The following GALNT3 variants were observed in gnomAD, a reference collection of about 807,000 sequenced individuals.
The protein encoded by GALNT3 is polypeptide N-acetylgalactosaminyltransferase 3.
GALNT3 carries 51 observed loss-of-function variants against 69.8 expected under a neutral mutation model. That is an observed-to-expected ratio of 0.73 (90% CI 0.58 to 0.92). The LOEUF is 0.92. GALNT3 is among the 40% of genes least tolerant of loss of function. GALNT3 has a pLI of 0.00. For synonymous variants in GALNT3, 265 were observed against 248.5 expected (o/e 1.07, Z -0.63); for missense variants, 711 against 760.0 (o/e 0.94, Z 0.76).
At chr2:165,791,425 C>T (rs1683346535) in intron 1 of GALNT3, among the ~76,000 whole-genome samples, 4 of 151,904 alleles carry the variant, frequency 2.6e-5, no homozygotes, top group South Asian at 2.1e-4. Context: ...TTTAGACCAA[C>T]GTTTTTAAAA....
chr2:165,761,929 T>G lies in GALNT3; in HGVS notation c.814A>C (p.Thr272Pro). Residue 272 changes from threonine (T) to proline (P), a missense_variant, in exon 4 of 11, where the codon ACG becomes CCG. By Grantham distance (38) the Thr-to-Pro change is conservative. Coordinates refer to ENST00000392701, the MANE Select transcript of GALNT3 (RefSeq NM_004482.4). Reference sequence around the variant, plus strand: ...CAGTGAGCATCTAAAAATGTGAGCGTTTCAGCTGTTGCGACTGTTGCTCCT... The same window carrying G: ...CAGTGAGCATCTAAAAATGTGAGCGGTTCAGCTGTTGCGACTGTTGCTCCT... ...LLGATVATAE[T>P]LTFLDAHCEC... is the part of the protein sequence containing the mutation. The G allele has an allele frequency of 6.2e-7, 1 of 1,614,084 alleles. No homozygotes were observed. The highest frequency in any genetic ancestry group is 8.5e-7 in the Non-Finnish European group (1 of 1,180,028).
chr2:165,749,191 A>C (rs911605542), intron 10 of GALNT3, among the ~76,000 whole-genome samples: 2 of 152,142 alleles, frequency 1.3e-5, no homozygotes, highest in African/African-American at 4.8e-5. Flanking sequence ...ACAAACTCTT[A>C]AAAACATCAT....
chr2:165,762,004 T>C lies in GALNT3; in HGVS notation c.739A>G (p.Lys247Glu). 1 of 1,606,040 alleles carries C rather than the reference T, an allele frequency of 6.2e-7. No individual in the cohort carries two copies. The highest frequency in any genetic ancestry group is 1.1e-5 in the South Asian group (1 of 90,942). Residue 247 changes from lysine (K) to glutamate (E), a missense_variant, in exon 4 of 11, where the codon AAA becomes GAA. Lys to Glu is a moderately conservative substitution (Grantham distance 56). Coordinates refer to ENST00000392701, the MANE Select transcript of GALNT3 (RefSeq NM_004482.4). ...DEYVKQFSIV[K>E]IVRQRERKGL... ...TTTCTTTCTCTTTGTCTGACTATTT[T>C]TACTATAGAAAATTGTTTTACATAT... is the stretch of plus-strand genomic sequence containing the variant.
At chr2:165,767,189 A>G (rs1405089779) in intron 2 of GALNT3, among the ~76,000 whole-genome samples, 2 of 152,072 alleles carry the variant, frequency 1.3e-5, no homozygotes, top group East Asian at 1.9e-4. Context: ...TATATTTTGA[A>G]CCCATAAAAG....
At position 165,770,218 on chromosome 2, in the gene GALNT3, G is replaced by C. The variant is rs1448251169; in HGVS notation, c.483C>G (p.His161Gln). 1 of 1,613,980 alleles carries C rather than the reference G, an allele frequency of 6.2e-7. No homozygotes were observed. The highest frequency in any genetic ancestry group is 8.5e-7 in the Non-Finnish European group (1 of 1,179,994). Residue 161 changes from histidine (H) to glutamine (Q), a missense_variant, in exon 2 of 11, where the codon CAC becomes CAG. Physicochemically the swap from His to Gln is conservative, Grantham distance 24 (BLOSUM62 0). Transcript: ENST00000392701. ...GTCGAGTGTCTGGTCCAAGATCTCGGTGCAAAGAAATCCTGTCACTTGCGA... is the reference window on the plus strand; with the variant it reads ...GTCGAGTGTCTGGTCCAAGATCTCGCTGCAAAGAAATCCTGTCACTTGCGA... ...NAFASDRISL[H>Q]RDLGPDTRPP...
At chr2:165,753,678 A>G (rs927949228) in intron 9 of GALNT3, among the ~76,000 whole-genome samples, 3 of 152,200 alleles carry the variant, frequency 2.0e-5, no homozygotes, top group African/African-American at 7.2e-5. Context: ...AGGTAAGGAA[A>G]GGAAGCTTAA....
intron 9 of GALNT3, 27 bp downstream of exon 9, chr2:165,754,600 G>T: frequency 6.6e-7 from 1 of 1,503,962 alleles, no homozygotes; most frequent in Non-Finnish European, 9.3e-7. Context: ...TGCTTTACAA[G>T]TGAAGGATTT....
rs564645773 is a variant in GALNT3, at chr2:165,759,435, T to C, written c.974A>G (p.Asn325Ser). Reference protein sequence around the residue: ...EFNKPSPYGSNHNRGNFDWSL... With the variant: ...EFNKPSPYGSSHNRGNFDWSL... ...CCAGTCAAAATTTCCACGGTTATGG[T>C]TACTTCCATAAGGAGAAGGTTTGTT... Residue 325 changes from asparagine to serine, a missense_variant, in exon 5 of 11, where the codon AAC becomes AGC. Transcript: ENST00000392701. 5 of 1,614,010 alleles carry C rather than the reference T, an allele frequency of 3.1e-6. No individual in the cohort carries two copies. In the East Asian group the frequency reaches 1.1e-4, roughly 36 times the overall value.
intron 3 of GALNT3, 72 bp downstream of exon 3, chr2:165,764,812 A>T: frequency 6.7e-7 from 1 of 1,481,646 alleles, no homozygotes; most frequent in Non-Finnish European, 9.4e-7. Flanking sequence ...AGAGAGTACC[A>T]CATAACCAAG....
At chr2:165,782,577 G>A (rs1455073051) in intron 1 of GALNT3, among the ~76,000 whole-genome samples, 1 of 151,946 alleles carries the variant, frequency 6.6e-6, no homozygotes. Flanking sequence ...TTAAAGAACT[G>A]GGGAAATAAG....
chr2:165,788,221 G>A (rs545416941), intron 1 of GALNT3, among the ~76,000 whole-genome samples: 9 of 150,916 alleles, frequency 6.0e-5, no homozygotes, highest in African/African-American at 2.0e-4. Flanking sequence ...GGAGGCTGAG[G>A]CAGGAGAATG....
At chr2:165,782,748 T>G (rs1198606132) in intron 1 of GALNT3, among the ~76,000 whole-genome samples, 1 of 152,174 alleles carries the variant, frequency 6.6e-6, no homozygotes, top group Non-Finnish European at 1.5e-5. Context: ...TTATTTCCTT[T>G]TCCCCAAAGC....
chr2:165,769,659 C>CA (rs1211873724), intron 2 of GALNT3, among the ~76,000 whole-genome samples: 2 of 151,508 alleles, frequency 1.3e-5, no homozygotes, highest in Admixed American at 6.6e-5. Context: ...GGATTGTTTA[C>CA]AAAAAATAGG....
At chr2:165,793,063 T>C (rs1267377088) in intron 1 of GALNT3, among the ~76,000 whole-genome samples, 1 of 152,036 alleles carries the variant, frequency 6.6e-6, no homozygotes, top group Non-Finnish European at 1.5e-5. Context: ...ATAGTTTCTT[T>C]GATGAGTTGG....
At chr2:165,769,492 G>A (rs917908934) in intron 2 of GALNT3, among the ~76,000 whole-genome samples, 6 of 150,814 alleles carry the variant, frequency 4.0e-5, no homozygotes, top group Non-Finnish European at 3.0e-5. Flanking sequence ...AATGGCTCAT[G>A]CCTGTACTCC....
At chr2:165,762,570 A>G (rs181215087) in intron 3 of GALNT3, among the ~76,000 whole-genome samples, 1 of 152,356 alleles carries the variant, frequency 6.6e-6, no homozygotes, top group African/African-American at 2.4e-5. Context: ...GTCCACAGCT[A>G]TAGCAGTTTG....
rs971726102 is a variant in GALNT3 at position 165,770,773 on chromosome 2, G to A, written c.-73C>T. 122 of 1,523,144 alleles carry A rather than the reference G, an allele frequency of 8.0e-5. No homozygotes were observed. Among genetic ancestry groups the A allele is most frequent in the Non-Finnish European group, 1.0e-4 (115 of 1,123,760 alleles). 94.4% of individuals were successfully genotyped at this position (1,523,144 alleles called of 1,614,324 possible). ...TCTGTTACTTATATTTTTTATCATA[G>A]ATTTGCTGAGAAGAAGGTATCTTTA... On this transcript the variant is annotated 5_prime_UTR_variant, in exon 2 of 11. Coordinates refer to ENST00000392701, the MANE Select transcript of GALNT3 (RefSeq NM_004482.4).
chr2:165,789,278 C>CA (rs1242107310), intron 1 of GALNT3, among the ~76,000 whole-genome samples: 1 of 152,146 alleles, frequency 6.6e-6, no homozygotes, highest in Non-Finnish European at 1.5e-5. Flanking sequence ...TAGGTATCCT[C>CA]ACATGGAGGA....
At chr2:165,752,368 T>G (rs909573576) in intron 9 of GALNT3, among the ~76,000 whole-genome samples, 1 of 152,178 alleles carries the variant, frequency 6.6e-6, no homozygotes, top group Non-Finnish European at 1.5e-5. Context: ...CCTGCTATAT[T>G]TTTCTTCATG....
Sources: allele counts gnomAD v4.1 joint callset (sites outside exome capture counted in the v4.1 genomes callset), GRCh38; gene constraint gnomAD v4.1.1; transcripts MANE v1.5; gene names NCBI Gene and HGNC (gene_info 2026-07-23, HGNC 2026-07-21).